NMBR: variants seen among roughly 807,000 people sequenced by gnomAD.
NMBR encodes the protein neuromedin-B receptor.
NMBR carries 16 observed loss-of-function variants against 20.5 expected under a neutral mutation model. The ratio of observed to expected loss-of-function variants is 0.78; its 90% CI spans 0.53 to 1.19. NMBR has a LOEUF of 1.19. NMBR is among the 50% of genes most tolerant of loss of function. NMBR has a pLI of 0.00. For missense variants in NMBR, 582 were observed against 499.1 expected (o/e 1.17, Z -1.58); for synonymous variants, 212 against 196.6 (o/e 1.08, Z -0.65).
chr6:142,135,978 C>T (rs1742866311), intron 1 of NMBR, among the ~76,000 whole-genome samples: 2 of 152,016 alleles, frequency 1.3e-5, no homozygotes, highest in African/African-American at 4.8e-5. Context: ...GTCTTTATAG[C>T]AGCATGATTT....
At chr6:142,091,591 A>G (rs1777324493) in intron 1 of NMBR, among the ~76,000 whole-genome samples, 1 of 152,166 alleles carries the variant, frequency 6.6e-6, no homozygotes, top group Admixed American at 6.5e-5. Flanking sequence ...TCATATACTT[A>G]ATGTTTATCA....
chr6:142,142,543 T>A (rs1320040917), intron 1 of NMBR, among the ~76,000 whole-genome samples: 1 of 152,088 alleles, frequency 6.6e-6, no homozygotes, highest in Admixed American at 6.5e-5. Flanking sequence ...AAATAGCATC[T>A]AAGGAAACTT....
chr6:142,094,417 C>T (rs56378737), intron 1 of NMBR, among the ~76,000 whole-genome samples: 13,042 of 152,158 alleles, frequency 0.086, 634 homozygotes, highest in Admixed American at 0.16. Context: ...AATCCTTTCC[C>T]CATTTCTTGT....
chr6:142,136,516 A>C (rs1027001896), intron 1 of NMBR, among the ~76,000 whole-genome samples: 85 of 152,104 alleles, frequency 5.6e-4, no homozygotes, highest in African/African-American at 1.3e-3. Context: ...CCCATTTGTC[A>C]ATTTTGGCTT....
chr6:142,124,971 G>T (rs373913756), intron 1 of NMBR, among the ~76,000 whole-genome samples: 15 of 151,990 alleles, frequency 9.9e-5, no homozygotes, highest in African/African-American at 3.4e-4. Flanking sequence ...TAACATGATT[G>T]GTTGTTGACC....
At chr6:142,110,162 G>A (rs375533039) in intron 1 of NMBR, among the ~76,000 whole-genome samples, 29 of 152,110 alleles carry the variant, frequency 1.9e-4, no homozygotes, top group South Asian at 4.2e-4. Context: ...AAAACAGTCT[G>A]GCCATTCCTC....
intron 1 of NMBR, among the ~76,000 whole-genome samples, chr6:142,096,099 A>C (rs1777446325): frequency 6.6e-6 from 1 of 151,830 alleles, no homozygotes; most frequent in African/African-American, 2.4e-5. Flanking sequence ...TTTTCAAAAA[A>C]CCAGCTCCTG....
chr6:142,100,013 C>T (rs1258296778), intron 1 of NMBR, among the ~76,000 whole-genome samples: 3 of 152,012 alleles, frequency 2.0e-5, no homozygotes, highest in Non-Finnish European at 4.4e-5. Context: ...AACAAGATAC[C>T]CCTATACATT....
At chr6:142,116,429 T>C (rs1486865378) in intron 1 of NMBR, among the ~76,000 whole-genome samples, 1 of 151,964 alleles carries the variant, frequency 6.6e-6, no homozygotes, top group Non-Finnish European at 1.5e-5. Context: ...AGGAGCTCTA[T>C]TTTCAGAGAC....
At chr6:142,136,181 T>C (rs1246013290) in intron 1 of NMBR, among the ~76,000 whole-genome samples, 2 of 152,154 alleles carry the variant, frequency 1.3e-5, no homozygotes, top group South Asian at 2.1e-4. Context: ...TTTTAATGAT[T>C]GCCATTCTAA....
At chr6:142,081,222 C>T (rs774791644) in intron 2 of NMBR, among the ~76,000 whole-genome samples, 6 of 152,136 alleles carry the variant, frequency 3.9e-5, no homozygotes. Context: ...AATCACCTCC[C>T]AAAGGCCCAC....
intron 1 of NMBR, among the ~76,000 whole-genome samples, chr6:142,102,127 G>A (rs1388225645): frequency 1.3e-5 from 2 of 152,078 alleles, no homozygotes; most frequent in South Asian, 4.1e-4. Context: ...GGTGGCTCAC[G>A]CCTGTAATCC....
At chr6:142,082,246 G>A (rs1289022105) in intron 2 of NMBR, among the ~76,000 whole-genome samples, 1 of 152,130 alleles carries the variant, frequency 6.6e-6, no homozygotes, top group South Asian at 2.1e-4. Context: ...ATAAGAGAAA[G>A]GTCTTGCTCA....
chr6:142,091,571 T>G (rs1777324138), intron 1 of NMBR, among the ~76,000 whole-genome samples: 1 of 152,182 alleles, frequency 6.6e-6, no homozygotes, highest in Non-Finnish European at 1.5e-5. Context: ...CCATATTAGG[T>G]TTCTTAGACT....
At chr6:142,097,114 G>C (rs937328129) in intron 1 of NMBR, among the ~76,000 whole-genome samples, 1 of 152,054 alleles carries the variant, frequency 6.6e-6, no homozygotes, top group African/African-American at 2.4e-5. Flanking sequence ...GATGGGTCTT[G>C]ACTCTTTATC....
rs1341049663 is a variant in NMBR, at chr6:142,131,338, G to A, written c.-664+15706C>T. The stretch of plus-strand genomic sequence containing the variant: ...TTTCATACACCCACACCTCTGCAAT[G>A]TGACTTCACAGATCCATCAAGAGGT... On this transcript the variant is annotated intron_variant, in intron 1 of 3. Coordinates refer to ENST00000258042, the MANE Select transcript of NMBR (RefSeq NM_002511.4). Among the ~76,000 whole-genome samples the A allele has an allele frequency of 3.3e-5, 5 of 152,298 alleles. No homozygotes were observed. In the South Asian group the frequency reaches 1.0e-3, roughly 32 times the overall value.
intron 1 of NMBR, among the ~76,000 whole-genome samples, chr6:142,125,143 T>A (rs1313698815): frequency 6.6e-6 from 1 of 151,910 alleles, no homozygotes; most frequent in African/African-American, 2.4e-5. Flanking sequence ...TTATCTCAGC[T>A]GTCCCTCTGT....
In NMBR at chr6:142,088,242, G is replaced by A. The variant is rs747270958; in HGVS notation, c.417C>T (p.Ala139=). Residue 139 remains alanine, a synonymous_variant, in exon 2 of 4, where the codon GCC becomes GCT. Transcript: ENST00000258042. ...ACAGCTACCTGTGCTCTTACCTGTC[G>A]GCGCTGAGGGCAGTGAGAGTGAACA... is the stretch of plus-strand genomic sequence containing the variant. ...VSVFTLTALS[A]DRYRAIVNPM... 7 of 1,610,174 alleles carry A rather than the reference G, an allele frequency of 4.3e-6. No homozygotes were observed. In the South Asian group the frequency reaches 6.6e-5, roughly 15 times the overall value.
chr6:142,125,425 A>G (rs931719762), intron 1 of NMBR, among the ~76,000 whole-genome samples: 4 of 151,656 alleles, frequency 2.6e-5, no homozygotes, highest in East Asian at 3.9e-4. Context: ...TTTCAACCAT[A>G]TACACATATA....
Sources: allele counts gnomAD v4.1 joint callset (sites outside exome capture counted in the v4.1 genomes callset), GRCh38; gene constraint gnomAD v4.1.1; transcripts MANE v1.5; gene names NCBI Gene and HGNC (gene_info 2026-07-23, HGNC 2026-07-21).